The following SGCZ variants were observed in gnomAD, a reference collection of about 807,000 sequenced individuals.
SGCZ encodes the protein sarcoglycan zeta.
SGCZ carries 40 observed loss-of-function variants against 41.3 expected under a neutral mutation model. That is an observed-to-expected ratio of 0.97 (90% CI 0.75 to 1.26). SGCZ has a LOEUF of 1.26. Ranked by LOEUF, SGCZ falls within the 50% of genes most tolerant of loss-of-function variation. The pLI is 0.00. For missense variants in SGCZ, 552 were observed against 369.8 expected (o/e 1.49, Z -4.04); for synonymous variants, 206 against 137.5 (o/e 1.50, Z -3.49).
chr8:14,650,658 T>A (rs13259984), intron 1 of SGCZ, among the ~76,000 whole-genome samples: 2 of 151,898 alleles, frequency 1.3e-5, no homozygotes, highest in Non-Finnish European at 2.9e-5. Flanking sequence ...GCTTCAATTC[T>A]TAGCTGAGAG....
At chr8:14,842,103 A>G (rs1190745312) in intron 1 of SGCZ, among the ~76,000 whole-genome samples, 1 of 152,216 alleles carries the variant, frequency 6.6e-6, no homozygotes, top group East Asian at 1.9e-4. Flanking sequence ...CAGAAACTTT[A>G]ATGATAAATG....
intron 2 of SGCZ, among the ~76,000 whole-genome samples, chr8:14,405,192 G>A (rs1040627586): frequency 4.6e-5 from 7 of 152,244 alleles, no homozygotes; most frequent in African/African-American, 1.7e-4. Flanking sequence ...TGAGTTCCCC[G>A]TGTTAAATCA....
chr8:14,896,925 G>A (rs1002709597), intron 1 of SGCZ, among the ~76,000 whole-genome samples: 4 of 151,984 alleles, frequency 2.6e-5, no homozygotes, highest in African/African-American at 9.7e-5. Flanking sequence ...GGGATTACAG[G>A]TGAGCGCCAC....
At chr8:15,101,339 T>C (rs1042275083) in intron 1 of SGCZ, among the ~76,000 whole-genome samples, 2 of 152,168 alleles carry the variant, frequency 1.3e-5, no homozygotes, top group Non-Finnish European at 2.9e-5. Context: ...AAAACTCATG[T>C]CTGATAAAAG....
At chr8:14,491,855 T>TA (rs71209051) in intron 2 of SGCZ, among the ~76,000 whole-genome samples, 74,057 of 151,812 alleles carry the variant, frequency 0.49, 18,239 homozygotes, top group Admixed American at 0.54. Context: ...TTTTGACCCA[T>TA]TAGAAATGAG....
intron 3 of SGCZ, among the ~76,000 whole-genome samples, chr8:14,281,578 C>T (rs961829862): frequency 6.6e-6 from 1 of 151,914 alleles, no homozygotes; most frequent in African/African-American, 2.4e-5. Context: ...AATTTATAGA[C>T]CATCTAGTGA....
At chr8:14,639,104 T>C (rs2117421723) in intron 1 of SGCZ, among the ~76,000 whole-genome samples, 1 of 147,894 alleles carries the variant, frequency 6.8e-6, no homozygotes, top group Admixed American at 6.9e-5. Context: ...TGGAGTGCAG[T>C]GGTGCACTCT....
At chr8:14,799,513 G>C (rs1422777815) in intron 1 of SGCZ, among the ~76,000 whole-genome samples, 1 of 151,884 alleles carries the variant, frequency 6.6e-6, no homozygotes, top group Non-Finnish European at 1.5e-5. Context: ...CCCTGGCATG[G>C]TGATTCTGCA....
intron 1 of SGCZ, among the ~76,000 whole-genome samples, chr8:15,104,562 C>G (rs1346021616): frequency 6.6e-6 from 1 of 152,150 alleles, no homozygotes; most frequent in Non-Finnish European, 1.5e-5. Flanking sequence ...CAGAAATAGC[C>G]ACGCAAATTT....
intron 1 of SGCZ, among the ~76,000 whole-genome samples, chr8:15,156,776 G>A (rs1032968567): frequency 1.3e-5 from 2 of 151,714 alleles, no homozygotes; most frequent in African/African-American, 2.4e-5. Flanking sequence ...AAACCCCGTT[G>A]CTATTAAAAT....
intron 1 of SGCZ, among the ~76,000 whole-genome samples, chr8:14,832,750 T>C (rs1437917514): frequency 2.0e-5 from 3 of 152,278 alleles, no homozygotes; most frequent in East Asian, 1.9e-4. Context: ...TGCTTTCCTA[T>C]GAATATTAGG....
chr8:14,729,987 C>T (rs375569388), intron 1 of SGCZ, among the ~76,000 whole-genome samples: 8 of 152,076 alleles, frequency 5.3e-5, no homozygotes, highest in East Asian at 1.9e-4. Flanking sequence ...GGGTAGGCTA[C>T]GGCAGGAGAA....
At chr8:15,152,291 G>GA (rs541487334) in intron 1 of SGCZ, among the ~76,000 whole-genome samples, 2 of 152,186 alleles carry the variant, frequency 1.3e-5, no homozygotes, top group South Asian at 4.1e-4. Context: ...CTAAGGGTCA[G>GA]AAAAAAATAT....
At position 15,042,978 on chromosome 8, in the gene SGCZ, T is replaced by C. The variant is rs141380513; in HGVS notation, c.39+194607A>G. ...GTCATAAACGGTTTCTCCAAAGGCA[T>C]AGAACTTCATGATTAGCTATTTTGT... On this transcript the variant is annotated intron_variant, in intron 1 of 7. Coordinates refer to ENST00000382080, the MANE Select transcript of SGCZ (RefSeq NM_139167.4). Among the ~76,000 whole-genome samples the C allele has an allele frequency of 8.3e-4, 126 of 152,294 alleles. 1 individual carries two copies. The East Asian group carries it at 9.1e-3, about 11-fold the overall frequency.
chr8:15,084,829 A>C (rs192881873), intron 1 of SGCZ, among the ~76,000 whole-genome samples: 2 of 151,958 alleles, frequency 1.3e-5, no homozygotes, highest in African/African-American at 4.8e-5. Flanking sequence ...TGGCTACTGG[A>C]CTCTCATATA....
rs184033614 is a variant in SGCZ, at chr8:14,454,082, C to G, written c.234+100650G>C. 2.2e-4 allele frequency among the ~76,000 whole-genome samples: 34 copies of G among 152,304 alleles called. No individual in the cohort carries two copies. In the East Asian group the frequency reaches 6.2e-3, roughly 28 times the overall value. ...TTCCAGTTGCTATCTACGATGACGT[C>G]CGCAGCAAGAATTTGGGGAATGGCC... On this transcript the variant is annotated intron_variant, in intron 2 of 7. Transcript: ENST00000382080.
At chr8:14,294,300 C>G (rs1041422492) in intron 3 of SGCZ, among the ~76,000 whole-genome samples, 10 of 151,682 alleles carry the variant, frequency 6.6e-5, no homozygotes, top group Non-Finnish European at 1.3e-4. Flanking sequence ...GTCATTCTCA[C>G]CGACACAACA....
intron 1 of SGCZ, among the ~76,000 whole-genome samples, chr8:15,120,284 T>C (rs188165493): frequency 1.1e-4 from 17 of 152,378 alleles, no homozygotes; most frequent in Admixed American, 9.1e-4. Context: ...CTATTTAAAA[T>C]TGTAAGAAAA....
intron 1 of SGCZ, among the ~76,000 whole-genome samples, chr8:15,050,333 T>C (rs111406841): frequency 7.2e-5 from 11 of 152,298 alleles, no homozygotes; most frequent in Middle Eastern, 3.4e-3. Context: ...GAGAGGTTTA[T>C]GTGGCCCTCT....
Sources: gnomAD v4.1 joint callset for allele counts (sites outside exome capture counted in the v4.1 genomes callset) on GRCh38, gnomAD v4.1.1 for gene constraint, MANE v1.5 for transcripts, NCBI Gene and HGNC (gene_info 2026-07-23, HGNC 2026-07-21) for gene names.